Variants in EIPR1 observed in about 807,000 individuals in gnomAD.
EIPR1 encodes the protein EARP and GARP complex-interacting protein 1.
In EIPR1, 25 loss-of-function variants were observed where a neutral mutation model predicts 48.1. The ratio of observed to expected loss-of-function variants is 0.52; its 90% CI spans 0.38 to 0.73. EIPR1 has a LOEUF of 0.73. Among genes scored for constraint, EIPR1 ranks in the 30% least tolerant of loss-of-function variants. The pLI is 0.00. For missense variants in EIPR1, 415 were observed against 506.2 expected (o/e 0.82, Z 1.73); for synonymous variants, 204 against 201.9 (o/e 1.01, Z -0.09).
In EIPR1 at chr2:3,255,826, CACATACGTGTGCACA is replaced by C. The variant is rs1180886103; in HGVS notation, c.416+1458_416+1472del. Among the ~76,000 whole-genome samples, 6 of 8,430 alleles carry C rather than the reference CACATACGTGTGCACA, an allele frequency of 7.1e-4. No individual in the cohort carries two copies. The South Asian group carries it at 0.25, about 351-fold the overall frequency. 5.5% of individuals were successfully genotyped at this position (8,430 alleles called of 152,430 possible). A position where few individuals can be genotyped will look rare whatever the true frequency, so the allele number is the denominator to read the frequency against. The stretch of plus-strand genomic sequence containing the variant: ...ACATTAACACATACACAAATGTGCA[CACATACGTGTGCACA>C]GAGACACAAGCACAAATGTGTGCAC... On this transcript the variant is annotated intron_variant, in intron 4 of 8. Coordinates refer to ENST00000382125, the MANE Select transcript of EIPR1 (RefSeq NM_003310.5).
intron 3 of EIPR1, chr2:3,274,346 C>G: frequency 1.3e-6 from 2 of 1,550,400 alleles, no homozygotes; most frequent in Non-Finnish European, 8.7e-7. Context: ...TACAGGTTGC[C>G]AGTGCTATGA....
chr2:3,192,250 C>T (rs553865060), intron 8 of EIPR1, among the ~76,000 whole-genome samples, 164 bp downstream of exon 8: 12 of 152,212 alleles, frequency 7.9e-5, no homozygotes, highest in African/African-American at 2.4e-4. Context: ...CTGCTAATGA[C>T]GGCACCCCTG....
intron 5 of EIPR1, among the ~76,000 whole-genome samples, chr2:3,197,454 C>G (rs1185851183): frequency 6.6e-6 from 1 of 152,234 alleles, no homozygotes; most frequent in Non-Finnish European, 1.5e-5. Flanking sequence ...GCCCTCTTCC[C>G]TCCCTCCGTC....
intron 4 of EIPR1, among the ~76,000 whole-genome samples, chr2:3,219,200 T>G (rs1042521634): frequency 2.0e-5 from 3 of 150,520 alleles, no homozygotes; most frequent in African/African-American, 7.4e-5. Flanking sequence ...GCTTTCACAG[T>G]GAGTCAGGTG....
intron 4 of EIPR1, among the ~76,000 whole-genome samples, chr2:3,235,435 C>T (rs1477239991): frequency 1.3e-5 from 1 of 78,370 alleles, no homozygotes; most frequent in Admixed American, 1.8e-4. Context: ...CACACACACA[C>T]ACACGCGTGC....
At chr2:3,245,013 GTAT>G (rs1666750879) in intron 4 of EIPR1, among the ~76,000 whole-genome samples, 3 of 152,068 alleles carry the variant, frequency 2.0e-5, no homozygotes, top group Admixed American at 2.0e-4. Context: ...TTAGATTTTT[GTAT>G]TATGACTCTT....
At chr2:3,327,711 G>C (rs541692407) in intron 3 of EIPR1, among the ~76,000 whole-genome samples, 67 of 152,134 alleles carry the variant, frequency 4.4e-4, no homozygotes, top group Non-Finnish European at 8.4e-4. Flanking sequence ...TGAGGCCTCT[G>C]GCCTTCTCCA....
intron 1 of EIPR1, among the ~76,000 whole-genome samples, chr2:3,362,339 C>A (rs1407063643): frequency 6.6e-6 from 1 of 152,122 alleles, no homozygotes; most frequent in East Asian, 1.9e-4. Flanking sequence ...TCCCTCCCAG[C>A]CCCACACCCA....
chr2:3,354,326 G>C (rs535381557), intron 2 of EIPR1, among the ~76,000 whole-genome samples: 1 of 152,154 alleles, frequency 6.6e-6, no homozygotes, highest in Non-Finnish European at 1.5e-5. Context: ...ACAAGACTAC[G>C]GAAGTCATGC....
intron 4 of EIPR1, among the ~76,000 whole-genome samples, chr2:3,222,607 T>A (rs184157546): frequency 6.6e-6 from 1 of 152,330 alleles, no homozygotes; most frequent in East Asian, 1.9e-4. Context: ...GGGAACATTG[T>A]AAGGCTGTGA....
intron 3 of EIPR1, among the ~76,000 whole-genome samples, chr2:3,306,119 C>A (rs1479575154): frequency 2.0e-5 from 3 of 152,224 alleles, no homozygotes; most frequent in Non-Finnish European, 2.9e-5. Flanking sequence ...GGGCACCCAG[C>A]GCAGACGCAT....
chr2:3,274,212 A>G, intron 3 of EIPR1: 2 of 1,435,562 alleles, frequency 1.4e-6, no homozygotes, highest in South Asian at 1.4e-5. Context: ...AGCAGGCACA[A>G]TATCAATAAA....
chr2:3,318,355 G>C (rs1360547133), intron 3 of EIPR1, among the ~76,000 whole-genome samples: 3 of 152,218 alleles, frequency 2.0e-5, no homozygotes, highest in Non-Finnish European at 4.4e-5. Flanking sequence ...AGGACGCCGT[G>C]AGGAGCCGTC....
intron 3 of EIPR1, among the ~76,000 whole-genome samples, chr2:3,278,353 A>G (rs1558268679): frequency 6.6e-6 from 1 of 152,172 alleles, no homozygotes; most frequent in Non-Finnish European, 1.5e-5. Context: ...CTGCCCAACC[A>G]GGAACCTCCT....
At chr2:3,330,197 C>T (rs576094719) in intron 3 of EIPR1, among the ~76,000 whole-genome samples, 15 of 152,308 alleles carry the variant, frequency 9.8e-5, no homozygotes, top group Admixed American at 2.6e-4. Context: ...CCACTCAATA[C>T]GTATAACCTC....
At chr2:3,358,258 G>A (rs1434346817) in intron 1 of EIPR1, among the ~76,000 whole-genome samples, 1 of 152,088 alleles carries the variant, frequency 6.6e-6, no homozygotes, top group African/African-American at 2.4e-5. Context: ...TTTTGACTTG[G>A]TTTCCACAAC....
chr2:3,350,851 T>C (rs1670550437), intron 2 of EIPR1, among the ~76,000 whole-genome samples: 2 of 149,754 alleles, frequency 1.3e-5, no homozygotes, highest in Admixed American at 1.3e-4. Context: ...GGCAAACTAA[T>C]CTGAGTAATT....
chr2:3,286,381 C>T lies in EIPR1; in HGVS notation c.260-28926G>A. Among the ~76,000 whole-genome samples the T allele has an allele frequency of 6.6e-6, 1 of 152,174 alleles. No individual in the cohort carries two copies. The highest frequency in any genetic ancestry group is 1.9e-4 in the East Asian group (1 of 5,184). On this transcript the variant is annotated intron_variant, in intron 3 of 8. Coordinates refer to ENST00000382125, the MANE Select transcript of EIPR1 (RefSeq NM_003310.5). This position sits in a 1 kb window ranked among gnomAD's most constrained non-coding sequence, Gnocchi z 4.2. Reference sequence around the variant, plus strand: ...CCGTTCAGCTCCAGGTGTCAAGTGCCAGATTCCAGGAAGCCCCAGGAGTGG... The same window carrying T: ...CCGTTCAGCTCCAGGTGTCAAGTGCTAGATTCCAGGAAGCCCCAGGAGTGG...
intron 2 of EIPR1, among the ~76,000 whole-genome samples, chr2:3,343,467 G>A (rs772578017): frequency 1.3e-5 from 2 of 151,920 alleles, no homozygotes; most frequent in East Asian, 1.9e-4. Context: ...AAAGGCGGTC[G>A]CCCTGTGAGC....
Sources: allele counts gnomAD v4.1 joint callset (sites outside exome capture counted in the v4.1 genomes callset), GRCh38; gene constraint gnomAD v4.1.1; non-coding constraint Gnocchi (gnomAD v3.1); transcripts MANE v1.5; gene names NCBI Gene and HGNC (gene_info 2026-07-23, HGNC 2026-07-21).